The following NOVA1 variants were observed in gnomAD, a reference collection of about 807,000 sequenced individuals.
The protein encoded by NOVA1 is NOVA alternative splicing regulator 1, also known as RNA-binding protein Nova-1.
A neutral mutation model predicts 38.0 loss-of-function variants in NOVA1; 7 were observed. That is an observed-to-expected ratio of 0.18 (90% CI 0.10 to 0.35). The LOEUF is 0.35. Among genes scored for constraint, NOVA1 ranks in the 10% least tolerant of loss-of-function variants. The probability of loss-of-function intolerance (pLI) is 1.00; values close to 1 mark genes in which losing one functional copy is unlikely to be tolerated. For synonymous variants in NOVA1, 270 were observed against 232.5 expected, an observed-to-expected ratio of 1.16 and a Z score of -1.47; for missense variants, 460 against 616.0, an observed-to-expected ratio of 0.75 and a Z score of 2.68.
At chr14:26,456,151 G>T (rs892289712) in intron 4 of NOVA1, among the ~76,000 whole-genome samples, 1 of 151,806 alleles carries the variant, frequency 6.6e-6, no homozygotes, top group Non-Finnish European at 1.5e-5. Flanking sequence ...TATTTGAAAT[G>T]AAAACTAATG....
intron 2 of NOVA1, among the ~76,000 whole-genome samples, chr14:26,541,123 G>A (rs1890440379): frequency 1.3e-5 from 2 of 152,130 alleles, no homozygotes; most frequent in African/African-American, 4.8e-5. Context: ...GGGTTGGAAG[G>A]TAGAATGAGA....
rs1894302437 is a variant in NOVA1, at chr14:26,597,759, G to A, written c.-323C>T. 2 of 945,614 alleles carry A rather than the reference G, an allele frequency of 2.1e-6. No individual in the cohort carries two copies. The highest frequency in any genetic ancestry group is 1.0e-4 in the South Asian group (2 of 19,896). 58.6% of individuals were successfully genotyped at this position (945,614 alleles called of 1,614,324 possible). On this transcript the variant is annotated 5_prime_UTR_variant, in exon 1 of 5. Coordinates refer to ENST00000539517, the MANE Select transcript of NOVA1 (RefSeq NM_002515.3). ...GAGAGAGTGGAGAAGGGAGAGGGGCGAGTGAATGAGCGGGAGGAGGGGACC... is the reference window on the plus strand; with the variant it reads ...GAGAGAGTGGAGAAGGGAGAGGGGCAAGTGAATGAGCGGGAGGAGGGGACC...
At chr14:26,544,842 CTA>C (rs33974732) in intron 2 of NOVA1, among the ~76,000 whole-genome samples, 3,225 of 152,038 alleles carry the variant, frequency 0.021, 109 homozygotes, top group African/African-American at 0.074. Context: ...TGTAAAGTGA[CTA>C]GAGAGAATAA....
Position 26,527,846 on chromosome 14 carries a change from G to A in NOVA1, c.281-47703C>T, listed in dbSNP as rs1013551600. Among the ~76,000 whole-genome samples the A allele has an allele frequency of 2.0e-5, 3 of 152,270 alleles. No individual in the cohort carries two copies. In the East Asian group the frequency reaches 5.8e-4, roughly 29 times the overall value. On this transcript the variant is annotated intron_variant, in intron 2 of 4. Transcript: ENST00000539517. ...CTTTAGAGTAAAACTACCCAGCAGTGAGCAGATATTTGAGACATTCACTGG... is the reference window on the plus strand; with the variant it reads ...CTTTAGAGTAAAACTACCCAGCAGTAAGCAGATATTTGAGACATTCACTGG...
chr14:26,518,358 A>C (rs1888633846), intron 2 of NOVA1, among the ~76,000 whole-genome samples: 1 of 151,974 alleles, frequency 6.6e-6, no homozygotes, highest in African/African-American at 2.4e-5. Flanking sequence ...AAGCATTTTA[A>C]AAGTATTGCC....
At chr14:26,450,088 A>G (rs1186550930) in intron 4 of NOVA1, among the ~76,000 whole-genome samples, 1 of 152,150 alleles carries the variant, frequency 6.6e-6, no homozygotes, top group Non-Finnish European at 1.5e-5. Context: ...TGTTACTGAC[A>G]AAGCACTGAA....
intron 3 of NOVA1, among the ~76,000 whole-genome samples, chr14:26,477,104 A>G (rs547756981): frequency 4.2e-4 from 64 of 152,328 alleles, no homozygotes; most frequent in Non-Finnish European, 7.6e-4. Context: ...TTAAGTACTT[A>G]TCTCACAAAC....
In NOVA1 at chr14:26,447,943, T is replaced by TA. The variant is rs1417201726; in HGVS notation, c.*15_*16insT. On this transcript the variant is annotated 3_prime_UTR_variant, in exon 5 of 5. Transcript: ENST00000539517. ...TAAAGGAGGGGTTAAAACAATCTGA[T>TA]GTGTAACTGGGGCACTCAACCCACT... is the stretch of plus-strand genomic sequence containing the variant. 1 of 1,608,262 alleles carries TA rather than the reference T, an allele frequency of 6.2e-7. No individual in the cohort carries two copies.
chr14:26,511,727 G>GGTGACAGA, intron 2 of NOVA1, among the ~76,000 whole-genome samples: 1 of 151,932 alleles, frequency 6.6e-6, no homozygotes, highest in East Asian at 1.9e-4. Flanking sequence ...ACTCCAGCCT[G>GGTGACAGA]GTGACAGAGT....
chr14:26,592,195 T>C lies in NOVA1; in HGVS notation c.280+3215A>G, dbSNP rs1039181218. 3.6e-4 allele frequency among the ~76,000 whole-genome samples: 55 copies of C among 151,510 alleles called. 2 individuals carry two copies. The highest frequency in any genetic ancestry group is 8.9e-5 in the Non-Finnish European group (6 of 67,596). On this transcript the variant is annotated intron_variant, in intron 2 of 4. Transcript: ENST00000539517. Reference sequence around the variant, plus strand: ...CCATCCATTAAATAATTTTTACAGATAAAACCAATATGATTATTAACAAAA... The same window carrying C: ...CCATCCATTAAATAATTTTTACAGACAAAACCAATATGATTATTAACAAAA...
chr14:26,512,660 C>T (rs1182334910), intron 2 of NOVA1, among the ~76,000 whole-genome samples: 1 of 152,058 alleles, frequency 6.6e-6, no homozygotes, highest in African/African-American at 2.4e-5. Flanking sequence ...TTGTAGTATG[C>T]ACGCAAAGAT....
At position 26,464,595 on chromosome 14, in the gene NOVA1, G is replaced by A. The variant is rs187952584; in HGVS notation, c.519+7725C>T. Among the ~76,000 whole-genome samples the A allele has an allele frequency of 2.3e-3, 354 of 152,214 alleles. 1 individual carries two copies. The highest frequency in any genetic ancestry group is 4.8e-3 in the Admixed American group (73 of 15,282). On this transcript the variant is annotated intron_variant, in intron 4 of 4. Transcript: ENST00000539517. Reference sequence around the variant, plus strand: ...CCACTTTTATTGTGACACATTTATAGTAAATTTTAATGCTGGCTGATCTCA... The same window carrying A: ...CCACTTTTATTGTGACACATTTATAATAAATTTTAATGCTGGCTGATCTCA...
intron 4 of NOVA1, 74 bp from the exon 5 acceptor site, chr14:26,449,037 G>A (rs962686824): frequency 1.8e-5 from 24 of 1,334,750 alleles, no homozygotes; most frequent in Non-Finnish European, 2.4e-5. Context: ...TGCTATCCTA[G>A]AAAAGTAAAA....
At chr14:26,561,621 C>A (rs555045468) in intron 2 of NOVA1, among the ~76,000 whole-genome samples, 21 of 152,062 alleles carry the variant, frequency 1.4e-4, no homozygotes, top group Non-Finnish European at 2.5e-4. Flanking sequence ...AGGTGACTTA[C>A]TATTATCATA....
At chr14:26,458,349 A>T (rs1410146614) in intron 4 of NOVA1, among the ~76,000 whole-genome samples, 1 of 152,130 alleles carries the variant, frequency 6.6e-6, no homozygotes, top group Non-Finnish European at 1.5e-5. Context: ...AAGGAAAATA[A>T]ATCACTTTAC....
chr14:26,487,830 A>G (rs988856769), intron 2 of NOVA1, among the ~76,000 whole-genome samples: 1 of 152,172 alleles, frequency 6.6e-6, no homozygotes, highest in Non-Finnish European at 1.5e-5. Flanking sequence ...TCTTGCAGAG[A>G]ACAGACCACC....
At chr14:26,584,275 CTT>C (rs1377730412) in intron 2 of NOVA1, among the ~76,000 whole-genome samples, 1 of 151,204 alleles carries the variant, frequency 6.6e-6, no homozygotes, top group Non-Finnish European at 1.5e-5. Context: ...TAAATTGGGT[CTT>C]TATAAAATTC....
chr14:26,527,404 T>C (rs979266778), intron 2 of NOVA1, among the ~76,000 whole-genome samples: 17 of 152,212 alleles, frequency 1.1e-4, no homozygotes, highest in African/African-American at 4.1e-4. Flanking sequence ...CTGATCAGAC[T>C]TGCACTGCCT....
At chr14:26,563,100 C>G (rs977978507) in intron 2 of NOVA1, among the ~76,000 whole-genome samples, 3 of 152,056 alleles carry the variant, frequency 2.0e-5, no homozygotes, top group Non-Finnish European at 2.9e-5. Context: ...AGCAGACACA[C>G]AGCTTTCAAC....
Sources: gnomAD v4.1 joint callset for allele counts (sites outside exome capture counted in the v4.1 genomes callset) on GRCh38, gnomAD v4.1.1 for gene constraint, MANE v1.5 for transcripts, NCBI Gene and HGNC (gene_info 2026-07-23, HGNC 2026-07-21) for gene names.